ASPH: variants seen among roughly 807,000 people sequenced by gnomAD.
The protein encoded by ASPH is aspartate beta-hydroxylase.
In ASPH, 100 loss-of-function variants were observed where a neutral mutation model predicts 118.4. That is an observed-to-expected ratio of 0.84 (90% CI 0.72 to 1.00). The LOEUF is 1.00. ASPH is among the 50% of genes least tolerant of loss of function. The pLI, the probability that ASPH is intolerant of heterozygous loss-of-function variation, is 0.00. For missense variants in ASPH, 920 were observed against 919.5 expected (o/e 1.00, Z -0.01); for synonymous variants, 315 against 325.6 (o/e 0.97, Z 0.35).
Position 61,556,022 on chromosome 8 carries a change from C to A in ASPH, c.1438G>T (p.Val480Leu). The A allele has an allele frequency of 1.2e-6, 2 of 1,612,928 alleles. No homozygotes were observed. The highest frequency in any genetic ancestry group is 1.7e-6 in the Non-Finnish European group (2 of 1,179,380). ...NDNAKKVYEE[V>L]LSVTPNDGFA... ...CCATCATTAGGTGTCACACTCAGCACCTAAACTCAAAGAAAACACAGAACA... is the reference window on the plus strand; with the variant it reads ...CCATCATTAGGTGTCACACTCAGCAACTAAACTCAAAGAAAACACAGAACA... Residue 480 changes from valine to leucine, a missense_variant and splice_region_variant, in exon 19 of 25, where the codon GTG (valine) becomes TTG (leucine). Val to Leu is a conservative substitution (Grantham distance 32). Transcript: ENST00000379454.
intron 14 of ASPH, among the ~76,000 whole-genome samples, chr8:61,594,738 A>C (rs1450221098): frequency 6.6e-6 from 1 of 152,174 alleles, no homozygotes. Context: ...TTATAGATTA[A>C]GTTTTGTCAT....
chr8:61,665,350 A>G, intron 3 of ASPH: 3 of 1,613,822 alleles, frequency 1.9e-6, no homozygotes, highest in Non-Finnish European at 1.7e-6. Flanking sequence ...ATGCCATTTT[A>G]CTAGAAACAT....
chr8:61,661,844 T>A, intron 3 of ASPH: 1 of 407,946 alleles, frequency 2.5e-6, no homozygotes, highest in South Asian at 8.9e-5. Context: ...AATTCAAGTG[T>A]TCATGCTGAT....
chr8:61,518,166 G>A (rs535870343), intron 22 of ASPH, 43 bp from the exon 23 acceptor site: 3 of 1,556,186 alleles, frequency 1.9e-6, no homozygotes, highest in African/African-American at 1.4e-5. Context: ...TCACAGTAAA[G>A]CTTAAACTTA....
intron 19 of ASPH, among the ~76,000 whole-genome samples, chr8:61,554,384 T>C (rs1004441659): frequency 1.3e-5 from 2 of 152,166 alleles, no homozygotes; most frequent in Non-Finnish European, 2.9e-5. Flanking sequence ...AAATAAAACA[T>C]GCAAGCTATT....
chr8:61,560,351 G>C (rs1829388826), intron 18 of ASPH, among the ~76,000 whole-genome samples: 1 of 151,986 alleles, frequency 6.6e-6, no homozygotes, highest in South Asian at 2.1e-4. Context: ...TTTCTTTGTT[G>C]CAACTAAAAG....
chr8:61,569,868 T>C (rs1015789017), intron 16 of ASPH, among the ~76,000 whole-genome samples: 11 of 152,322 alleles, frequency 7.2e-5, no homozygotes, highest in African/African-American at 2.6e-4. Context: ...CTGATCATGA[T>C]GCTGGCATGG....
intron 21 of ASPH, among the ~76,000 whole-genome samples, chr8:61,529,175 C>T (rs1390561823): frequency 1.3e-5 from 2 of 152,186 alleles, no homozygotes; most frequent in African/African-American, 4.8e-5. Context: ...GTACTATCTC[C>T]TCCTCAATTA....
chr8:61,684,185 GTC>G lies in ASPH; in HGVS notation c.105_106del (p.Glu35AspfsTer41), dbSNP rs762634513. On this transcript the variant is annotated frameshift_variant and splice_region_variant, in exon 2 of 25. Coordinates refer to ENST00000379454, the MANE Select transcript of ASPH (RefSeq NM_004318.4). LOFTEE classifies it high-confidence loss of function. ...CCCATTCTTGTGTCCTCCATGCTTT[GTC>G]TCTGTTTAGAAATAAATGTAAGATA... The G allele has an allele frequency of 7.5e-6, 12 of 1,609,418 alleles. No individual in the cohort carries two copies. The highest frequency in any genetic ancestry group is 4.2e-6 in the Non-Finnish European group (5 of 1,178,012).
intron 1 of ASPH, among the ~76,000 whole-genome samples, chr8:61,700,086 G>A (rs968675807): frequency 6.6e-6 from 1 of 152,210 alleles, no homozygotes; most frequent in Admixed American, 6.5e-5. Context: ...CAAGAGCAAG[G>A]GGGGATGAAG....
chr8:61,622,054 A>G (rs1291927385), intron 13 of ASPH, among the ~76,000 whole-genome samples: 2 of 152,158 alleles, frequency 1.3e-5, no homozygotes, highest in African/African-American at 4.8e-5. Flanking sequence ...GATATACTGT[A>G]CTCAGCCAGG....
intron 5 of ASPH, among the ~76,000 whole-genome samples, chr8:61,647,534 G>A (rs1331805843): frequency 6.6e-6 from 1 of 152,104 alleles, no homozygotes; most frequent in Admixed American, 6.5e-5. Context: ...AGTCATGCAT[G>A]GTGGCACGTG....
intron 13 of ASPH, among the ~76,000 whole-genome samples, chr8:61,622,180 A>T (rs1851194239): frequency 6.6e-6 from 1 of 152,152 alleles, no homozygotes; most frequent in Non-Finnish European, 1.5e-5. Context: ...TCTACTAAAA[A>T]TACAAAAATT....
At chr8:61,567,027 G>A in intron 17 of ASPH, 141 bp downstream of exon 17, 5 of 1,043,558 alleles carry the variant, frequency 4.8e-6, no homozygotes, top group Non-Finnish European at 6.8e-6. Flanking sequence ...GGTGAGCCTA[G>A]GACAGACACA....
intron 2 of ASPH, among the ~76,000 whole-genome samples, chr8:61,681,608 G>C (rs576599923): frequency 6.6e-6 from 1 of 151,704 alleles, no homozygotes; most frequent in South Asian, 2.1e-4. Context: ...AAAAATAAAA[G>C]ATCATTCTGG....
At chr8:61,557,528 C>G (rs989241217) in intron 18 of ASPH, among the ~76,000 whole-genome samples, 3 of 152,212 alleles carry the variant, frequency 2.0e-5, no homozygotes, top group African/African-American at 7.2e-5. Context: ...TAAAACTGAA[C>G]CCCCTCCATC....
intron 14 of ASPH, among the ~76,000 whole-genome samples, chr8:61,614,061 T>C (rs1848272815): frequency 6.6e-6 from 1 of 152,174 alleles, no homozygotes; most frequent in Non-Finnish European, 1.5e-5. Flanking sequence ...GCAGATGTGA[T>C]TTCTGTTAGT....
chr8:61,621,673 G>A (rs1314713134), intron 13 of ASPH, among the ~76,000 whole-genome samples: 1 of 152,184 alleles, frequency 6.6e-6, no homozygotes, highest in Non-Finnish European at 1.5e-5. Context: ...GGCAACTGAG[G>A]CATAGAGAGG....
intron 22 of ASPH, among the ~76,000 whole-genome samples, chr8:61,525,687 A>G (rs1202325326): frequency 6.6e-6 from 1 of 152,356 alleles, no homozygotes; most frequent in African/African-American, 2.4e-5. Flanking sequence ...ACAGTCAGTA[A>G]CACATCATTC....
Sources: gnomAD v4.1 joint callset for allele counts (sites outside exome capture counted in the v4.1 genomes callset) on GRCh38, gnomAD v4.1.1 for gene constraint, MANE v1.5 for transcripts, NCBI Gene and HGNC (gene_info 2026-07-23, HGNC 2026-07-21) for gene names.